The following TM4SF4 variants were observed in gnomAD, a reference collection of about 807,000 sequenced individuals.
TM4SF4 encodes the protein transmembrane 4 L six family member 4.
TM4SF4 carries 24 observed loss-of-function variants against 24.1 expected under a neutral mutation model. The observed-to-expected ratio is 1.00, with a 90% CI of 0.72 to 1.40. The LOEUF (loss-of-function observed/expected upper bound fraction) is 1.40, where lower values mean the gene tolerates loss of function less well. TM4SF4 is among the 40% of genes most tolerant of loss of function. The pLI, the probability that TM4SF4 is intolerant of heterozygous loss-of-function variation, is 0.00. For synonymous variants in TM4SF4, 113 were observed against 97.0 expected (o/e 1.17, Z -0.97); for missense variants, 254 against 254.2 (o/e 1.00, Z 0.01).
chr3:149,502,267 T>C (rs1353792933), intron 4 of TM4SF4, among the ~76,000 whole-genome samples: 4 of 152,200 alleles, frequency 2.6e-5, no homozygotes, highest in Non-Finnish European at 5.9e-5. Flanking sequence ...ATGCATATTG[T>C]ATACAATGTA....
chr3:149,499,049 G>A lies in TM4SF4; in HGVS notation c.591+138G>A, dbSNP rs1023632241. On this transcript the variant is annotated intron_variant, in intron 4 of 4. Coordinates refer to ENST00000305354, the MANE Select transcript of TM4SF4 (RefSeq NM_004617.4). The stretch of plus-strand genomic sequence containing the variant: ...TGGCCACCTGCAGAAAACCAGCCCA[G>A]GTTGGGAAGCCCAGTCAGCCCTGTC... 3.0e-5 allele frequency: 25 copies of A among 836,590 alleles called. No homozygotes were observed. The Admixed American group carries it at 4.7e-4, about 16-fold the overall frequency. The allele number at this position is 836,590 out of a possible 1,614,324, so 51.8% of individuals were successfully genotyped here.
intron 2 of TM4SF4, among the ~76,000 whole-genome samples, chr3:149,481,006 G>A (rs1267839844): frequency 6.6e-6 from 1 of 151,972 alleles, no homozygotes; most frequent in African/African-American, 2.4e-5. Context: ...GATTACAGGC[G>A]CCGGCCACCA....
intron 3 of TM4SF4, among the ~76,000 whole-genome samples, chr3:149,489,373 A>C (rs1307090559): frequency 6.6e-6 from 1 of 152,182 alleles, no homozygotes; most frequent in African/African-American, 2.4e-5. Flanking sequence ...ATATTTTTCT[A>C]TTTTTTCTGT....
intron 1 of TM4SF4, among the ~76,000 whole-genome samples, chr3:149,475,257 T>C (rs562689764): frequency 6.6e-6 from 1 of 152,314 alleles, no homozygotes; most frequent in African/African-American, 2.4e-5. Context: ...AAGTAATTAA[T>C]CTCTAAGCTT....
intron 1 of TM4SF4, among the ~76,000 whole-genome samples, chr3:149,475,269 G>C (rs531396479): frequency 1.3e-5 from 2 of 152,118 alleles, no homozygotes; most frequent in African/African-American, 4.8e-5. Context: ...TCTAAGCTTG[G>C]GCTGACAGTT....
chr3:149,486,326 T>C (rs1203412679), intron 2 of TM4SF4, among the ~76,000 whole-genome samples: 1 of 152,180 alleles, frequency 6.6e-6, no homozygotes, highest in East Asian at 1.9e-4. Flanking sequence ...ACACATTCAT[T>C]ATGCAAAGTC....
At chr3:149,496,715 C>T (rs544058132) in intron 3 of TM4SF4, among the ~76,000 whole-genome samples, 8 of 152,102 alleles carry the variant, frequency 5.3e-5, no homozygotes, top group Non-Finnish European at 1.2e-4. Context: ...TTGCAGTGAG[C>T]CGAGATTGTG....
Position 149,474,884 on chromosome 3 carries a change from A to G in TM4SF4, c.7A>G (p.Thr3Ala). 1 of 1,613,180 alleles carries G rather than the reference A, an allele frequency of 6.2e-7. No homozygotes were observed. Among genetic ancestry groups the G allele is most frequent in the Non-Finnish European group, 8.5e-7 (1 of 1,179,630 alleles). MC[T>A]GGCARCLGGT... Reference sequence around the variant, plus strand: ...TGTGTCGTACCACCCCAGAATGTGCACTGGGGGCTGTGCCAGATGCCTGGG... The same window carrying G: ...TGTGTCGTACCACCCCAGAATGTGCGCTGGGGGCTGTGCCAGATGCCTGGG... Residue 3 changes from threonine (T) to alanine (A), a missense_variant, in exon 1 of 5, where the codon ACT (threonine) becomes GCT (alanine). Coordinates refer to ENST00000305354, the MANE Select transcript of TM4SF4 (RefSeq NM_004617.4).
rs755105958 is a variant in TM4SF4 at position 149,474,882 on chromosome 3, G to A, written c.5G>A (p.Cys2Tyr). 6.2e-7 allele frequency: 1 copy of A among 1,612,890 alleles called. No individual in the cohort carries two copies. Among genetic ancestry groups the A allele is most frequent in the Non-Finnish European group, 8.5e-7 (1 of 1,179,582 alleles). MCTGGCARCLGG... is the reference protein window; with the variant it reads MYTGGCARCLGG... ...CCTGTGTCGTACCACCCCAGAATGT[G>A]CACTGGGGGCTGTGCCAGATGCCTG... Residue 2 changes from cysteine (C) to tyrosine (Y), a missense_variant, in exon 1 of 5, where the codon TGC (cysteine) becomes TAC (tyrosine). By Grantham distance (194) the Cys-to-Tyr change is radical. Coordinates refer to ENST00000305354, the MANE Select transcript of TM4SF4 (RefSeq NM_004617.4).
At chr3:149,495,233 G>A (rs1475409083) in intron 3 of TM4SF4, 1 of 199,976 alleles carries the variant, frequency 5.0e-6, no homozygotes. Context: ...AGTTGGAATG[G>A]TGACAATATG....
intron 2 of TM4SF4, among the ~76,000 whole-genome samples, chr3:149,483,628 A>G (rs993140405): frequency 5.3e-5 from 8 of 152,132 alleles, no homozygotes; most frequent in African/African-American, 7.2e-5. Flanking sequence ...ACATAAAAGC[A>G]TGTCTTATTT....
At chr3:149,485,534 T>G (rs781768096) in intron 2 of TM4SF4, among the ~76,000 whole-genome samples, 6 of 152,228 alleles carry the variant, frequency 3.9e-5, no homozygotes, top group Non-Finnish European at 8.8e-5. Context: ...GAAGGAAAAC[T>G]GTAAAACTAT....
rs1263827571 is a variant in TM4SF4, at chr3:149,479,364, TTC to T, written c.264+3454_264+3455del. Among the ~76,000 whole-genome samples the T allele has an allele frequency of 5.6e-5, 7 of 125,188 alleles. No homozygotes were observed. The Admixed American group carries it at 5.9e-4, about 11-fold the overall frequency. The allele number at this position is 125,188 out of a possible 152,430, so 82.1% of individuals were successfully genotyped here. ...AATAATCATTTCTTTTTCTTTTCTT[TTC>T]TTTTTTTTTTTTTTGAGGTTATTGG... On this transcript the variant is annotated intron_variant, in intron 2 of 4. Transcript: ENST00000305354.
intron 4 of TM4SF4, 146 bp from the exon 5 acceptor site, chr3:149,502,530 A>G: frequency 1.6e-6 from 1 of 642,902 alleles, no homozygotes. Flanking sequence ...AAGCCCTGAA[A>G]CAAAGCCAGA....
Position 149,503,212 on chromosome 3 carries a change from T to C in TM4SF4, c.*519T>C, listed in dbSNP as rs2107879408. On this transcript the variant is annotated 3_prime_UTR_variant, in exon 5 of 5. Transcript: ENST00000305354. ...TGCTTGAGTTGCTTGTGACTGATCT[T>C]TTGAGGCTGTCATCATGGCTAGGGT... 1 of 152,548 alleles carries C rather than the reference T, an allele frequency of 6.6e-6. No homozygotes were observed. The allele number at this position is 152,548 out of a possible 1,614,324, so 9.4% of individuals were successfully genotyped here. A position where few individuals can be genotyped will look rare whatever the true frequency, so the allele number is the denominator to read the frequency against.
chr3:149,498,882 G>A lies in TM4SF4; in HGVS notation c.562G>A (p.Gly188Arg). ...CAATGGCCTCCTGGGGACCCTCTGT[G>A]GGGACTGCCAGTGTTGTGGCTGCTG... ...VVNGLLGTLC[G>R]DCQCCGCCGG... Residue 188 changes from glycine to arginine, a missense_variant, in exon 4 of 5, where the codon GGG becomes AGG. Gly to Arg is a moderately radical substitution (Grantham distance 125). Transcript: ENST00000305354. 1 of 1,613,926 alleles carries A rather than the reference G, an allele frequency of 6.2e-7. No homozygotes were observed.
chr3:149,499,659 T>C (rs1480913689), intron 4 of TM4SF4, among the ~76,000 whole-genome samples: 1 of 149,628 alleles, frequency 6.7e-6, no homozygotes, highest in Non-Finnish European at 1.5e-5. Flanking sequence ...TAAATAAAGG[T>C]CTATTCACTT....
intron 2 of TM4SF4, among the ~76,000 whole-genome samples, chr3:149,480,841 ATATTT>A: frequency 6.6e-6 from 1 of 151,582 alleles, no homozygotes; most frequent in East Asian, 1.9e-4. Flanking sequence ...CTACTTCTAC[ATATTT>A]TATTTTATTT....
intron 4 of TM4SF4, among the ~76,000 whole-genome samples, chr3:149,499,891 A>C (rs1285590299): frequency 6.6e-6 from 1 of 152,118 alleles, no homozygotes; most frequent in Non-Finnish European, 1.5e-5. Context: ...TAAATAAATA[A>C]ATACATTTAT....
Sources: gnomAD v4.1 joint callset for allele counts (sites outside exome capture counted in the v4.1 genomes callset) on GRCh38, gnomAD v4.1.1 for gene constraint, MANE v1.5 for transcripts, NCBI Gene and HGNC (gene_info 2026-07-23, HGNC 2026-07-21) for gene names.